The following FAT3 variants were observed in gnomAD, a reference collection of about 807,000 sequenced individuals.
FAT3 encodes the protein FAT atypical cadherin 3.
FAT3 carries 95 observed loss-of-function variants against 310.2 expected under a neutral mutation model. The ratio of observed to expected loss-of-function variants is 0.31; its 90% CI spans 0.26 to 0.36. FAT3 has a LOEUF of 0.36. Ranked by LOEUF, FAT3 falls within the 10% of genes least tolerant of loss-of-function variation. FAT3 has a pLI of 1.00. For synonymous variants in FAT3, 2,314 were observed against 2,192.9 expected (o/e 1.06, Z -1.54); for missense variants, 5,408 against 5,715.6 (o/e 0.95, Z 1.74).
intron 2 of FAT3, among the ~76,000 whole-genome samples, chr11:92,478,948 C>CTTTCTTTCTTTCTTTCTTTCTTTCT (rs1555058204): frequency 7.0e-5 from 8 of 114,518 alleles, no homozygotes; most frequent in Middle Eastern, 4.1e-3. Context: ...TTCTTTCTTT[C>CTTTCTTTCTTTCTTTCTTTCTTTCT]TTTCTTTTCT....
rs1218568244 is a variant in FAT3 at position 92,869,864 on chromosome 11, G to A, written c.12127+2655G>A. ...TGGCTGCCAGGGAAGTCTAATCACA[G>A]GAAGAGACAGTGTTGTGCCCCCAGA... On this transcript the variant is annotated intron_variant, in intron 22 of 27. Transcript: ENST00000525166. Among the ~76,000 whole-genome samples, 4 of 152,136 alleles carry A rather than the reference G, an allele frequency of 2.6e-5. No individual in the cohort carries two copies. In the East Asian group the frequency reaches 5.8e-4, roughly 22 times the overall value.
At chr11:92,774,210 A>G (rs775959573) in intron 7 of FAT3, 30 bp downstream of exon 7, 3 of 1,578,394 alleles carry the variant, frequency 1.9e-6, no homozygotes. Context: ...AATAGCAGGA[A>G]TGCTGAAAGA....
rs1317852472 is a variant in FAT3 at position 92,665,238 on chromosome 11, G to C, written c.3608-32146G>C. 2.6e-5 allele frequency among the ~76,000 whole-genome samples: 4 copies of C among 152,284 alleles called. No individual in the cohort carries two copies. The East Asian group carries it at 7.7e-4, about 29-fold the overall frequency. ...TTTGGTTTGAATGCTACTGCCCCGA[G>C]TTATCTGACCTCAGTTCGTCTCTGC... On this transcript the variant is annotated intron_variant, in intron 3 of 27. Coordinates refer to ENST00000525166, the MANE Select transcript of FAT3 (RefSeq NM_001367949.2).
At chr11:92,599,988 T>G (rs1939932175) in intron 3 of FAT3, among the ~76,000 whole-genome samples, 1 of 152,238 alleles carries the variant, frequency 6.6e-6, no homozygotes, top group Non-Finnish European at 1.5e-5. Flanking sequence ...TTGTGACACT[T>G]TAGGCACAGT....
At chr11:92,876,954 C>T (rs1408955037) in intron 22 of FAT3, among the ~76,000 whole-genome samples, 1 of 152,204 alleles carries the variant, frequency 6.6e-6, no homozygotes, top group Non-Finnish European at 1.5e-5. Flanking sequence ...GCAGTAGTTA[C>T]AAAAGGTCTT....
At chr11:92,745,516 G>A (rs1945634210) in intron 4 of FAT3, among the ~76,000 whole-genome samples, 1 of 147,718 alleles carries the variant, frequency 6.8e-6, no homozygotes, top group Non-Finnish European at 1.5e-5. Context: ...AAAATGATGA[G>A]CAGATGAGCC....
chr11:92,683,659 C>A (rs1243548598), intron 3 of FAT3, among the ~76,000 whole-genome samples: 1 of 152,162 alleles, frequency 6.6e-6, no homozygotes, highest in Non-Finnish European at 1.5e-5. Flanking sequence ...TGAAAGCCAA[C>A]CACCCCAGTG....
chr11:92,841,928 C>G (rs2136285621), intron 18 of FAT3, among the ~76,000 whole-genome samples: 1 of 152,296 alleles, frequency 6.6e-6, no homozygotes, highest in Middle Eastern at 3.4e-3. Context: ...CTCTTCACCC[C>G]TCCCATATTA....
rs552776881 is a variant in FAT3, at chr11:92,829,428, T to G, written c.9482-2194T>G. Among the ~76,000 whole-genome samples the G allele has an allele frequency of 3.3e-5, 5 of 152,334 alleles. No homozygotes were observed. In the East Asian group the frequency reaches 9.6e-4, roughly 29 times the overall value. On this transcript the variant is annotated intron_variant, in intron 13 of 27. Coordinates refer to ENST00000525166, the MANE Select transcript of FAT3 (RefSeq NM_001367949.2). Reference sequence around the variant, plus strand: ...TCAATCGCTGATGTGTTTCCATAAATGCATTTTTGTGACTTGGAGAGGCAT... The same window carrying G: ...TCAATCGCTGATGTGTTTCCATAAAGGCATTTTTGTGACTTGGAGAGGCAT...
chr11:92,386,328 A>G (rs1193171076), intron 2 of FAT3, among the ~76,000 whole-genome samples: 2 of 152,208 alleles, frequency 1.3e-5, no homozygotes, highest in South Asian at 2.1e-4. Context: ...CCTTGCTGAT[A>G]AAATATGGAC....
chr11:92,717,895 G>T (rs1944735867), intron 4 of FAT3, among the ~76,000 whole-genome samples: 1 of 152,130 alleles, frequency 6.6e-6, no homozygotes, highest in Non-Finnish European at 1.5e-5. Flanking sequence ...TACTCATCGT[G>T]AAATGAGTAA....
intron 4 of FAT3, among the ~76,000 whole-genome samples, chr11:92,757,010 C>T (rs1177300637): frequency 6.7e-5 from 10 of 149,732 alleles, no homozygotes; most frequent in East Asian, 6.0e-4. Context: ...CTGCAACCTC[C>T]GCCTCCCGGG....
At chr11:92,772,031 G>A (rs1260677753) in intron 6 of FAT3, among the ~76,000 whole-genome samples, 2 of 152,024 alleles carry the variant, frequency 1.3e-5, no homozygotes, top group Admixed American at 1.3e-4. Context: ...TTAAACTGGA[G>A]CAAACTAAAG....
chr11:92,651,101 G>A (rs1319820926), intron 3 of FAT3, among the ~76,000 whole-genome samples: 1 of 152,194 alleles, frequency 6.6e-6, no homozygotes, highest in African/African-American at 2.4e-5. Flanking sequence ...ACAAAGTAAG[G>A]CTGGTAGCCC....
intron 2 of FAT3, among the ~76,000 whole-genome samples, chr11:92,483,616 T>C (rs1314867488): frequency 6.6e-6 from 1 of 152,204 alleles, no homozygotes; most frequent in African/African-American, 2.4e-5. Flanking sequence ...TCCTCTATCC[T>C]TTTTTCCATC....
In FAT3 at chr11:92,352,025, G is replaced by A. The variant is rs1019574490; in HGVS notation, c.-17-71G>A. ...TTTTAAAAAGCATGGCTTCCTAATAGTTATTTCCCACTCTCCCCCTTCTTC... is the reference window on the plus strand; with the variant it reads ...TTTTAAAAAGCATGGCTTCCTAATAATTATTTCCCACTCTCCCCCTTCTTC... On this transcript the variant is annotated intron_variant, in intron 1 of 27. Coordinates refer to ENST00000525166, the MANE Select transcript of FAT3 (RefSeq NM_001367949.2). The A allele has an allele frequency of 2.9e-6, 3 of 1,017,434 alleles. No homozygotes were observed. The African/African-American group carries it at 5.0e-5, about 17-fold the overall frequency. The allele number at this position is 1,017,434 out of a possible 1,614,324, so 63.0% of individuals were successfully genotyped here.
chr11:92,461,778 A>C (rs1204559522), intron 2 of FAT3, among the ~76,000 whole-genome samples: 1 of 152,196 alleles, frequency 6.6e-6, no homozygotes, highest in African/African-American at 2.4e-5. Flanking sequence ...GGTTAATGTT[A>C]GATGTTCAAA....
intron 2 of FAT3, among the ~76,000 whole-genome samples, chr11:92,520,226 G>A (rs539614961): frequency 1.2e-4 from 18 of 152,128 alleles, no homozygotes; most frequent in Admixed American, 7.2e-4. Context: ...GTGAGTGAAC[G>A]AAAACAGAAA....
At chr11:92,295,765 G>A (rs1461547638) in intron 1 of FAT3, among the ~76,000 whole-genome samples, 1 of 152,002 alleles carries the variant, frequency 6.6e-6, no homozygotes, top group African/African-American at 2.4e-5. Flanking sequence ...TGGAAAGAAG[G>A]GGCCTCAAAC....
Sources: allele counts gnomAD v4.1 joint callset (sites outside exome capture counted in the v4.1 genomes callset), GRCh38; gene constraint gnomAD v4.1.1; transcripts MANE v1.5; gene names NCBI Gene and HGNC (gene_info 2026-07-23, HGNC 2026-07-21).